Variants in HDLBP observed in about 807,000 individuals in gnomAD.
The protein encoded by HDLBP is high density lipoprotein binding protein.
Under a neutral mutation model 137.3 loss-of-function variants are expected in HDLBP, and 30 were observed. The ratio of observed to expected loss-of-function variants is 0.22; its 90% CI spans 0.16 to 0.30. The LOEUF (loss-of-function observed/expected upper bound fraction) is 0.30, where lower values mean the gene tolerates loss of function less well. Among genes scored for constraint, HDLBP ranks in the 10% least tolerant of loss-of-function variants. The pLI is 1.00. For missense variants in HDLBP, 1,119 were observed against 1,667.3 expected (o/e 0.67, Z 5.73); for synonymous variants, 606 against 596.0 (o/e 1.02, Z -0.24).
rs1015462712 is a variant in HDLBP, at chr2:241,281,968, CTT to C, written c.-102-13429_-102-13428del. ...CAAGGGAGTTTTTCTCATTAGTAAA[CTT>C]TATATAACAATCTTAAGGAAAAAAT... On this transcript the variant is annotated intron_variant, in intron 1 of 27. Transcript: ENST00000310931. 2.0e-5 allele frequency among the ~76,000 whole-genome samples: 3 copies of C among 152,092 alleles called. 1 individual carries two copies. Among genetic ancestry groups the C allele is most frequent in the African/African-American group, 7.2e-5 (3 of 41,418 alleles).
intron 1 of HDLBP, among the ~76,000 whole-genome samples, chr2:241,312,299 T>A (rs1359337987): frequency 6.6e-6 from 1 of 152,234 alleles, no homozygotes; most frequent in Admixed American, 6.5e-5. Flanking sequence ...TAGCTCATCT[T>A]CAACGGTATT....
chr2:241,229,601 T>C lies in HDLBP; in HGVS notation c.3807A>G (p.Ter1269=). The stretch of plus-strand genomic sequence containing the variant: ...GAGAGGGTTCTGTTCTTTTTGATCA[T>C]TATCGTTTGGGGCCCCAAGGGAGGG... ...PKTLPWGPKR[*] The change falls in exon 28 of 28, where the codon TAA becomes TAG. Residue 1269 remains the stop codon, a stop_retained_variant. Coordinates refer to ENST00000310931, the MANE Select transcript of HDLBP (RefSeq NM_005336.6). The C allele has an allele frequency of 6.2e-7, 1 of 1,612,068 alleles. No homozygotes were observed. The highest frequency in any genetic ancestry group is 8.5e-7 in the Non-Finnish European group (1 of 1,178,250).
chr2:241,259,352 AG>A (rs1559514744), intron 5 of HDLBP, among the ~76,000 whole-genome samples: 2 of 152,230 alleles, frequency 1.3e-5, no homozygotes, highest in African/African-American at 4.8e-5. Flanking sequence ...TTTCTCTGAA[AG>A]TACTTTATTA....
rs569368766 is a variant in HDLBP, at chr2:241,299,853, T to C, written c.-103+15717A>G. Among the ~76,000 whole-genome samples, 6 of 152,052 alleles carry C rather than the reference T, an allele frequency of 3.9e-5. No individual in the cohort carries two copies. The South Asian group carries it at 1.0e-3, about 26-fold the overall frequency. On this transcript the variant is annotated intron_variant, in intron 1 of 27. Coordinates refer to ENST00000310931, the MANE Select transcript of HDLBP (RefSeq NM_005336.6). ...CAGCGTGAACCCAGGAGGCAGAGCT[T>C]GCAGTGAGCCGAGATCCCACCACTG...
At chr2:241,314,266 C>G (rs1022361419) in intron 1 of HDLBP, among the ~76,000 whole-genome samples, 1 of 152,098 alleles carries the variant, frequency 6.6e-6, no homozygotes, top group African/African-American at 2.4e-5. Context: ...AAATATAAAC[C>G]TAAGCACTAC....
chr2:241,260,471 C>T (rs935903176), intron 5 of HDLBP, among the ~76,000 whole-genome samples: 8 of 151,722 alleles, frequency 5.3e-5, no homozygotes, highest in African/African-American at 9.7e-5. Flanking sequence ...CTGAAGTCGC[C>T]GGAGCGCCAA....
At chr2:241,259,990 A>C (rs1403035628) in intron 5 of HDLBP, among the ~76,000 whole-genome samples, 1 of 151,990 alleles carries the variant, frequency 6.6e-6, no homozygotes, top group Non-Finnish European at 1.5e-5. Context: ...TTAGAAATTA[A>C]GAAGTTATTT....
In HDLBP at chr2:241,234,012, C is replaced by CTG; in HGVS notation, c.3145-51_3145-50dup. On this transcript the variant is annotated intron_variant, in intron 23 of 27. Transcript: ENST00000310931. ...GAGGCAAAGATTGAGCTGATCCACC[C>CTG]TGTGACTCCATTCCCCTTCCACCCT... The CTG allele has an allele frequency of 3.7e-6, 6 of 1,605,206 alleles. No homozygotes were observed. The South Asian group carries it at 6.6e-5, about 18-fold the overall frequency.
chr2:241,230,708 G>A lies in HDLBP; in HGVS notation c.3474+51C>T, dbSNP rs1255315773. The A allele has an allele frequency of 3.3e-6, 5 of 1,530,708 alleles. No homozygotes were observed. The highest frequency in any genetic ancestry group is 1.1e-5 in the South Asian group (1 of 87,524). The allele number at this position is 1,530,708 out of a possible 1,614,324, so 94.8% of individuals were successfully genotyped here. A position where few individuals can be genotyped will look rare whatever the true frequency, so the allele number is the denominator to read the frequency against. On this transcript the variant is annotated intron_variant, in intron 25 of 27. Coordinates refer to ENST00000310931, the MANE Select transcript of HDLBP (RefSeq NM_005336.6). The surrounding 1 kb of genome is among the most constrained non-coding windows in gnomAD (Gnocchi z 5.0). ...CCTGCTCTTTCTTCTGGCCAGCCAG[G>A]TGCCCCCGGTGAGAGAGGATTCTCA... is the stretch of plus-strand genomic sequence containing the variant.
intron 5 of HDLBP, among the ~76,000 whole-genome samples, chr2:241,257,678 A>G (rs553015229): frequency 6.6e-6 from 1 of 152,378 alleles, no homozygotes; most frequent in East Asian, 1.9e-4. Context: ...GTAGATGGCG[A>G]TCATCCCAAT....
intron 17 of HDLBP, among the ~76,000 whole-genome samples, chr2:241,242,154 T>C (rs1649524572): frequency 6.6e-6 from 1 of 152,212 alleles, no homozygotes; most frequent in Non-Finnish European, 1.5e-5. Context: ...CATGACTGCA[T>C]GTTACTTAAA....
rs765562077 is a variant in HDLBP, at chr2:241,255,056, G to A, written c.1183C>T (p.Pro395Ser). ...QNLAKITQQM[P>S]KVHIEFTEGE... ...GGTGAAAAACGTGTCCTTACCTTTGGCATCTGCTGAGTGATTTTGGCCAGG... is the reference window on the plus strand; with the variant it reads ...GGTGAAAAACGTGTCCTTACCTTTGACATCTGCTGAGTGATTTTGGCCAGG... The change falls in exon 9 of 28, where the codon CCA (proline) becomes TCA (serine). Residue 395 changes from proline (P) to serine (S), a missense_variant. Coordinates refer to ENST00000310931, the MANE Select transcript of HDLBP (RefSeq NM_005336.6). 1.2e-6 allele frequency: 2 copies of A among 1,606,810 alleles called. No homozygotes were observed. Among genetic ancestry groups the A allele is most frequent in the Non-Finnish European group, 1.7e-6 (2 of 1,173,340 alleles).
At chr2:241,267,664 AACC>A in intron 2 of HDLBP, 5 of 1,535,634 alleles carry the variant, frequency 3.3e-6, no homozygotes, top group Non-Finnish European at 3.5e-6. Flanking sequence ...CCCCAAACTA[AACC>A]ACCTCCAAAT....
At chr2:241,243,301 T>A (rs1233489985) in intron 16 of HDLBP, among the ~76,000 whole-genome samples, 1 of 152,190 alleles carries the variant, frequency 6.6e-6, no homozygotes, top group Non-Finnish European at 1.5e-5. Context: ...CAGCCACTCA[T>A]ATACTGATAC....
At chr2:241,298,295 G>A (rs1374288937) in intron 1 of HDLBP, among the ~76,000 whole-genome samples, 5 of 152,022 alleles carry the variant, frequency 3.3e-5, no homozygotes, top group Non-Finnish European at 7.4e-5. Flanking sequence ...GAACCCGGGA[G>A]GTGGAGTTTG....
intron 24 of HDLBP, among the ~76,000 whole-genome samples, chr2:241,232,856 T>C (rs200131544): frequency 6.6e-6 from 1 of 151,606 alleles, no homozygotes; most frequent in Admixed American, 6.6e-5. Context: ...GACTAAAAAT[T>C]AAAAAATGTA....
intron 1 of HDLBP, among the ~76,000 whole-genome samples, chr2:241,313,703 G>A (rs1231742417): frequency 6.6e-6 from 1 of 152,108 alleles, no homozygotes; most frequent in Non-Finnish European, 1.5e-5. Flanking sequence ...TCAGACAACT[G>A]GAAGGCCAAA....
chr2:241,251,670 A>C (rs943379072), intron 11 of HDLBP, among the ~76,000 whole-genome samples: 8 of 152,202 alleles, frequency 5.3e-5, no homozygotes, highest in Non-Finnish European at 8.8e-5. Context: ...CAGTTAAACA[A>C]AGAGGTGTAA....
chr2:241,283,125 T>G (rs554311213), intron 1 of HDLBP, among the ~76,000 whole-genome samples: 1 of 152,162 alleles, frequency 6.6e-6, no homozygotes, highest in Non-Finnish European at 1.5e-5. Flanking sequence ...GGAGAAAGTT[T>G]GAGTGGTCTG....
Sources: gnomAD v4.1 joint callset for allele counts (sites outside exome capture counted in the v4.1 genomes callset) on GRCh38, gnomAD v4.1.1 for gene constraint, Gnocchi (gnomAD v3.1) non-coding constraint, MANE v1.5 for transcripts, NCBI Gene and HGNC (gene_info 2026-07-23, HGNC 2026-07-21) for gene names.